The following DDX4 variants were observed in gnomAD, a reference collection of about 807,000 sequenced individuals.
DDX4 encodes probable ATP-dependent RNA helicase DDX4.
Under a neutral mutation model 100.0 loss-of-function variants are expected in DDX4, and 25 were observed. The ratio of observed to expected loss-of-function variants is 0.25; its 90% CI spans 0.18 to 0.35. The LOEUF (loss-of-function observed/expected upper bound fraction) is 0.35, where lower values mean the gene tolerates loss of function less well. Among genes scored for constraint, DDX4 ranks in the 10% least tolerant of loss-of-function variants. The probability of loss-of-function intolerance (pLI) is 1.00; values close to 1 mark genes in which losing one functional copy is unlikely to be tolerated. For synonymous variants in DDX4, 259 were observed against 275.7 expected (o/e 0.94, Z 0.60); for missense variants, 635 against 882.4 (o/e 0.72, Z 3.55).
At chr5:55,801,991 T>C (rs917369653) in intron 18 of DDX4, among the ~76,000 whole-genome samples, 2 of 152,164 alleles carry the variant, frequency 1.3e-5, no homozygotes, top group Admixed American at 6.6e-5. Context: ...GGCTGGGCCA[T>C]GTAAGCCAAG....
At chr5:55,765,395 T>TAAAAA (rs57279452) in intron 6 of DDX4, among the ~76,000 whole-genome samples, 2 of 87,608 alleles carry the variant, frequency 2.3e-5, no homozygotes, top group African/African-American at 9.1e-5. Flanking sequence ...TTAGTTCCCC[T>TAAAAA]AAAAAAAAAA....
At position 55,767,044 on chromosome 5, in the gene DDX4, T is replaced by C. The variant is rs555639428; in HGVS notation, c.335-837T>C. The C allele has an allele frequency of 5.6e-5, 83 of 1,471,456 alleles. 1 individual carries two copies. The highest frequency in any genetic ancestry group is 3.3e-4 in the East Asian group (13 of 38,808). 91.1% of individuals were successfully genotyped at this position (1,471,456 alleles called of 1,614,324 possible). ...ACTCTGGGAATGTTACTTACTAATATCAAAAATGGAGAAGCTAGGATATCC... is the reference window on the plus strand; with the variant it reads ...ACTCTGGGAATGTTACTTACTAATACCAAAAATGGAGAAGCTAGGATATCC... On this transcript the variant is annotated intron_variant, in intron 6 of 21. Coordinates refer to ENST00000505374, the MANE Select transcript of DDX4 (RefSeq NM_024415.3).
At position 55,817,154 on chromosome 5, in the gene DDX4, C is replaced by T. The variant is rs1744465252; in HGVS notation, c.*614C>T. 6.6e-6 allele frequency: 1 copy of T among 152,108 alleles called. No individual in the cohort carries two copies. The highest frequency in any genetic ancestry group is 1.5e-5 in the Non-Finnish European group (1 of 68,018). The allele number at this position is 152,108 out of a possible 1,614,324, so 9.4% of individuals were successfully genotyped here. On this transcript the variant is annotated 3_prime_UTR_variant, in exon 22 of 22. Transcript: ENST00000505374. ...TGAAACACTTTTCCCTTAAGTTTTC[C>T]ATCAGCACTTTAAATTTTTCTTTGT... is the stretch of plus-strand genomic sequence containing the variant.
At chr5:55,811,369 C>G (rs1230919844) in intron 18 of DDX4, among the ~76,000 whole-genome samples, 1 of 151,948 alleles carries the variant, frequency 6.6e-6, no homozygotes, top group Non-Finnish European at 1.5e-5. Context: ...CTCTAAGATC[C>G]CCTAATTGGG....
chr5:55,787,797 A>T (rs1742333618), intron 14 of DDX4, 49 bp from the exon 15 acceptor site: 1 of 1,587,764 alleles, frequency 6.3e-7, no homozygotes, highest in African/African-American at 1.4e-5. Flanking sequence ...TTCCATAGGG[A>T]TAAAAGTGTT....
chr5:55,741,752 G>A (rs1758990785), intron 2 of DDX4, among the ~76,000 whole-genome samples: 2 of 151,640 alleles, frequency 1.3e-5, no homozygotes, highest in African/African-American at 4.8e-5. Context: ...CCGGGCAGCT[G>A]CACTCCAGCC....
At chr5:55,759,342 T>C (rs1760148177) in intron 3 of DDX4, among the ~76,000 whole-genome samples, 1 of 152,098 alleles carries the variant, frequency 6.6e-6, no homozygotes. Flanking sequence ...AAACTTCCAT[T>C]GTGAGTTTTT....
chr5:55,804,815 T>C (rs983993294), intron 18 of DDX4, among the ~76,000 whole-genome samples: 1 of 152,208 alleles, frequency 6.6e-6, no homozygotes. Context: ...GGCTCTTTTT[T>C]GGTTCCATAT....
chr5:55,777,657 G>A (rs1250899857), intron 7 of DDX4: 1 of 152,270 alleles, frequency 6.6e-6, no homozygotes, highest in Non-Finnish European at 1.5e-5. Flanking sequence ...TTAATACCTA[G>A]GTGATGGGTT....
chr5:55,790,960 A>G (rs1252593784), intron 16 of DDX4, among the ~76,000 whole-genome samples: 2 of 152,174 alleles, frequency 1.3e-5, no homozygotes, highest in Non-Finnish European at 2.9e-5. Context: ...TAGCTCTAGT[A>G]AGTATAGAGC....
chr5:55,770,320 G>C (rs1051894573), intron 7 of DDX4, among the ~76,000 whole-genome samples: 3 of 152,152 alleles, frequency 2.0e-5, no homozygotes, highest in Non-Finnish European at 4.4e-5. Flanking sequence ...TCTCTGAATA[G>C]AGTCATTGGA....
At chr5:55,776,419 T>G (rs1741568115) in intron 7 of DDX4, among the ~76,000 whole-genome samples, 1 of 152,030 alleles carries the variant, frequency 6.6e-6, no homozygotes, top group African/African-American at 2.4e-5. Context: ...TTTTCCAGAG[T>G]TAGAGAGGCA....
chr5:55,753,109 G>A (rs1199725653), intron 3 of DDX4, among the ~76,000 whole-genome samples: 44 of 152,062 alleles, frequency 2.9e-4, no homozygotes, highest in African/African-American at 8.9e-4. Context: ...AGTAGGTTGC[G>A]AAAATTTTCT....
intron 6 of DDX4, chr5:55,766,940 G>C: frequency 6.6e-7 from 1 of 1,517,380 alleles, no homozygotes. Context: ...ATGGGGTCTA[G>C]GAATTTATTT....
In DDX4 at chr5:55,787,813, A is replaced by T. The variant is rs374536363; in HGVS notation, c.1018-33A>T. ...TCCATAGGGATAAAAGTGTTGTGCT[A>T]TAAGTTTGTAAACTAAGCAACTTAA... is the stretch of plus-strand genomic sequence containing the variant. On this transcript the variant is annotated intron_variant, in intron 14 of 21. Coordinates refer to ENST00000505374, the MANE Select transcript of DDX4 (RefSeq NM_024415.3). 20 of 1,605,772 alleles carry T rather than the reference A, an allele frequency of 1.2e-5. No individual in the cohort carries two copies. In the South Asian group the frequency reaches 2.0e-4, roughly 16 times the overall value.
chr5:55,775,779 A>G (rs1741525276), intron 7 of DDX4, among the ~76,000 whole-genome samples: 1 of 152,178 alleles, frequency 6.6e-6, no homozygotes. Context: ...GCTGTCCCTT[A>G]TGAAATGCAG....
In DDX4 at chr5:55,787,879, A is replaced by T. The variant is rs560859446; in HGVS notation, c.1051A>T (p.Met351Leu). Residue 351 changes from methionine (M) to leucine (L), a missense_variant, in exon 15 of 22, where the codon ATG (methionine) becomes TTG (leucine). Physicochemically the swap from Met to Leu is conservative, Grantham distance 15 (BLOSUM62 2). This residue lies in a region of DDX4 where 446 missense variants were observed against 540.8 expected (regional missense o/e 0.82). Transcript: ENST00000505374. ...TCTCCTACCAATTTTGGCTCATATG[A>T]TGCATGATGGAATAACTGCCAGTCG... is the stretch of plus-strand genomic sequence containing the variant. ...AFLLPILAHM[M>L]HDGITASRFK... The T allele has an allele frequency of 6.2e-7, 1 of 1,613,932 alleles. No individual in the cohort carries two copies. The highest frequency in any genetic ancestry group is 1.3e-5 in the African/African-American group (1 of 75,020).
chr5:55,780,621 G>T (rs1216955578), intron 8 of DDX4, among the ~76,000 whole-genome samples: 1 of 152,186 alleles, frequency 6.6e-6, no homozygotes, highest in Non-Finnish European at 1.5e-5. Context: ...ATTTTGAAGG[G>T]TTACCATGCA....
chr5:55,780,507 G>A lies in DDX4; in HGVS notation c.496+442G>A, dbSNP rs573249484. Among the ~76,000 whole-genome samples the A allele has an allele frequency of 1.4e-4, 22 of 152,290 alleles. No homozygotes were observed. The South Asian group carries it at 4.6e-3, about 32-fold the overall frequency. Reference sequence around the variant, plus strand: ...GGAATGTATGTGCCTCTTAACAGAGGAGAACAGATTTATGGTTTTGGAAGC... The same window carrying A: ...GGAATGTATGTGCCTCTTAACAGAGAAGAACAGATTTATGGTTTTGGAAGC... On this transcript the variant is annotated intron_variant, in intron 8 of 21. Transcript: ENST00000505374.
Sources: gnomAD v4.1 joint callset for allele counts (sites outside exome capture counted in the v4.1 genomes callset) on GRCh38, gnomAD v4.1.1 for gene constraint, gnomAD v4.1.1 regional missense constraint, MANE v1.5 for transcripts, NCBI Gene and HGNC (gene_info 2026-07-23, HGNC 2026-07-21) for gene names.